SLCO1A2: variants seen among roughly 807,000 people sequenced by gnomAD.
SLCO1A2 encodes OATP-1.
Under a neutral mutation model 69.0 loss-of-function variants are expected in SLCO1A2, and 67 were observed. That is an observed-to-expected ratio of 0.97 (90% CI 0.80 to 1.19). The LOEUF is 1.19. Ranked by LOEUF, SLCO1A2 falls within the 50% of genes most tolerant of loss-of-function variation. The pLI is 0.00. For missense variants in SLCO1A2, 787 were observed against 793.7 expected, an observed-to-expected ratio of 0.99 and a Z score of 0.10; for synonymous variants, 260 against 265.9, an observed-to-expected ratio of 0.98 and a Z score of 0.22.
chr12:21,406,028 A>G (rs192588245), intron 1 of SLCO1A2, among the ~76,000 whole-genome samples: 28 of 152,346 alleles, frequency 1.8e-4, no homozygotes, highest in Middle Eastern at 3.4e-3. Flanking sequence ...AGATATTGTT[A>G]TAAGCAAAAG....
At chr12:21,315,161 T>A (rs1480294568) in intron 3 of SLCO1A2, among the ~76,000 whole-genome samples, 2 of 152,224 alleles carry the variant, frequency 1.3e-5, no homozygotes, top group African/African-American at 4.8e-5. Context: ...ACTCATTGTT[T>A]AAAAATATCT....
At chr12:21,338,874 CATTT>C (rs1952976187), upstream of SLCO1A2, among the ~76,000 whole-genome samples, 2 of 151,910 alleles carry the variant, frequency 1.3e-5, no homozygotes, top group African/African-American at 2.4e-5. Flanking sequence ...TTTTCCAACA[CATTT>C]ATTTATGTAT....
At chr12:21,277,258 C>T (rs61926249) in intron 12 of SLCO1A2, among the ~76,000 whole-genome samples, 14,534 of 145,594 alleles carry the variant, frequency 0.1, 945 homozygotes, top group Non-Finnish European at 0.15. Context: ...ATTCCAGGCC[C>T]TAGCTCCTGG....
chr12:21,295,723 A>G lies in SLCO1A2; in HGVS notation c.1145T>C (p.Ile382Thr). ...TATGTGGGCAGCTTGTTTGACAGTA[A>G]TCTTGAACTTCTTCATAATTAAACC... ...IGGLIMKKFK[I>T]TVKQAAHIGC... Residue 382 changes from isoleucine to threonine, a missense_variant, in exon 10 of 15, where the codon ATT becomes ACT. By Grantham distance (89) the Ile-to-Thr change is moderately conservative (BLOSUM62 -1). Coordinates refer to ENST00000683939, the MANE Select transcript of SLCO1A2 (RefSeq NM_001386879.1). 6.2e-7 allele frequency: 1 copy of G among 1,606,948 alleles called. No individual in the cohort carries two copies.
At chr12:21,276,785 T>C (rs1252750845) in intron 12 of SLCO1A2, among the ~76,000 whole-genome samples, 2 of 152,216 alleles carry the variant, frequency 1.3e-5, no homozygotes, top group Non-Finnish European at 2.9e-5. Flanking sequence ...TGTGCTGCCC[T>C]GTCACAGTGG....
At chr12:21,321,916 CCT>C (rs1951677582) in intron 2 of SLCO1A2, among the ~76,000 whole-genome samples, 1 of 152,106 alleles carries the variant, frequency 6.6e-6, no homozygotes, top group Admixed American at 6.6e-5. Context: ...TCTATAAGTT[CCT>C]CTCTCATTAT....
chr12:21,278,313 A>G (rs886477154), intron 12 of SLCO1A2, among the ~76,000 whole-genome samples: 2 of 152,154 alleles, frequency 1.3e-5, no homozygotes, highest in African/African-American at 4.8e-5. Context: ...GGGGACTGGG[A>G]AAACTCACAG....
intron 1 of SLCO1A2, among the ~76,000 whole-genome samples, chr12:21,390,955 T>C (rs961362119): frequency 2.0e-5 from 3 of 152,174 alleles, no homozygotes; most frequent in Non-Finnish European, 2.9e-5. Context: ...GTAGCTGTAT[T>C]AAGTAACCCC....
chr12:21,324,971 A>G (rs1952098324), intron 2 of SLCO1A2, among the ~76,000 whole-genome samples: 1 of 152,184 alleles, frequency 6.6e-6, no homozygotes, highest in Non-Finnish European at 1.5e-5. Context: ...TATTTCCTTT[A>G]GCAAAGGGGT....
At chr12:21,318,761 A>C (rs1951203058) in intron 3 of SLCO1A2, 21 bp downstream of exon 3, 2 of 1,584,338 alleles carry the variant, frequency 1.3e-6, no homozygotes, top group Admixed American at 1.9e-5. Flanking sequence ...AAAAAGAAGA[A>C]ATGCAAAAAT....
chr12:21,336,774 T>C (rs1952906090), upstream of SLCO1A2, among the ~76,000 whole-genome samples: 1 of 152,024 alleles, frequency 6.6e-6, no homozygotes, highest in African/African-American at 2.4e-5. Flanking sequence ...CTCGAGGCTG[T>C]GCTAGTGCCA....
intron 12 of SLCO1A2, among the ~76,000 whole-genome samples, chr12:21,276,326 A>G (rs936920121): frequency 3.0e-4 from 45 of 151,634 alleles, no homozygotes; most frequent in Non-Finnish European, 4.0e-4. Context: ...AGAGAACAGT[A>G]CCACACATAT....
At chr12:21,320,293 T>A (rs1414431719) in intron 2 of SLCO1A2, among the ~76,000 whole-genome samples, 1 of 152,188 alleles carries the variant, frequency 6.6e-6, no homozygotes, top group Non-Finnish European at 1.5e-5. Flanking sequence ...CTCTTCATGA[T>A]CAGCAAATGA....
At chr12:21,385,538 T>C (rs1940834587) in intron 1 of SLCO1A2, among the ~76,000 whole-genome samples, 1 of 152,162 alleles carries the variant, frequency 6.6e-6, no homozygotes, top group Admixed American at 6.5e-5. Context: ...AGCAAGAACA[T>C]TGGTAGAGGA....
In SLCO1A2 at chr12:21,306,994, T is replaced by C. The variant is rs757172767; in HGVS notation, c.336-6A>G. 21 of 1,579,844 alleles carry C rather than the reference T, an allele frequency of 1.3e-5. No individual in the cohort carries two copies. Among genetic ancestry groups the C allele is most frequent in the East Asian group, 2.2e-5 (1 of 44,632 alleles). Reference sequence around the variant, plus strand: ...CTGTAGATTCATATTCATATCTGTATAAACACAGGGAAAATGAGTTTATTT... The same window carrying C: ...CTGTAGATTCATATTCATATCTGTACAAACACAGGGAAAATGAGTTTATTT... On this transcript the variant is annotated splice_polypyrimidine_tract_variant and splice_region_variant and intron_variant, in intron 4 of 14. Transcript: ENST00000683939.
intron 1 of SLCO1A2, among the ~76,000 whole-genome samples, chr12:21,414,543 T>G (rs565894854): frequency 3.3e-5 from 5 of 152,168 alleles, no homozygotes; most frequent in Non-Finnish European, 7.3e-5. Context: ...GCTTGATTTT[T>G]TTTAATTTAT....
intron 1 of SLCO1A2, among the ~76,000 whole-genome samples, chr12:21,414,398 T>C (rs1941959192): frequency 6.6e-6 from 1 of 152,114 alleles, no homozygotes; most frequent in African/African-American, 2.4e-5. Context: ...ATTTTTAATT[T>C]TCATATCATG....
chr12:21,275,408 C>A lies in SLCO1A2; in HGVS notation c.1627G>T (p.Glu543Ter). 1 of 1,509,130 alleles carries A rather than the reference C, an allele frequency of 6.6e-7. No homozygotes were observed. Among genetic ancestry groups the A allele is most frequent in the Non-Finnish European group, 8.9e-7 (1 of 1,119,158 alleles). The allele number at this position is 1,509,130 out of a possible 1,614,324, so 93.5% of individuals were successfully genotyped here. The change falls in exon 13 of 15, where the codon GAG (glutamate) becomes TAG (stop). Residue 543 changes from glutamate (E) to a stop codon, truncating the protein, a stop_gained. Coordinates refer to ENST00000683939, the MANE Select transcript of SLCO1A2 (RefSeq NM_001386879.1). LOFTEE classifies it high-confidence loss of function. Reference protein sequence around the residue: ...MVLLRCMKSEEKSLGVGLHTF... With the variant: ...MVLLRCMKSE ...TGTAATCCCACACCAAGGGACTTCTCTTCAGATTTCATACACCTGAAAAGT... is the reference window on the plus strand; with the variant it reads ...TGTAATCCCACACCAAGGGACTTCTATTCAGATTTCATACACCTGAAAAGT...
At chr12:21,334,999 C>T (rs1952833915), upstream of SLCO1A2, 1 of 172,770 alleles carries the variant, frequency 5.8e-6, no homozygotes, top group Non-Finnish European at 1.2e-5. Flanking sequence ...TAAAAGAAAG[C>T]TTTTCACTTC....
Sources: gnomAD v4.1 joint callset for allele counts (sites outside exome capture counted in the v4.1 genomes callset) on GRCh38, gnomAD v4.1.1 for gene constraint, MANE v1.5 for transcripts, NCBI Gene and HGNC (gene_info 2026-07-23, HGNC 2026-07-21) for gene names.